The following CLEC12A variants were observed in gnomAD, a reference collection of about 807,000 sequenced individuals.
CLEC12A encodes the protein C-type lectin domain family 12 member A.
A neutral mutation model predicts 26.5 loss-of-function variants in CLEC12A; 22 were observed. The ratio of observed to expected loss-of-function variants is 0.83; its 90% CI spans 0.59 to 1.19. The LOEUF is 1.19. Among genes scored for constraint, CLEC12A ranks in the 50% most tolerant of loss-of-function variants. The pLI is 0.00. For missense variants in CLEC12A, 353 were observed against 315.6 expected, an observed-to-expected ratio of 1.12 and a Z score of -0.90; for synonymous variants, 119 against 101.9, an observed-to-expected ratio of 1.17 and a Z score of -1.01.
chr12:9,956,636 A>T (rs985335289), intron 1 of CLEC12A, among the ~76,000 whole-genome samples: 1 of 152,256 alleles, frequency 6.6e-6, no homozygotes, highest in African/African-American at 2.4e-5. Flanking sequence ...AAGCCAATTT[A>T]AAAAAGCCTA....
At chr12:9,991,798 G>GA (rs1864900753) in intron 4 of CLEC12A, 1 of 152,066 alleles carries the variant, frequency 6.6e-6, no homozygotes, top group African/African-American at 2.4e-5. Context: ...ATTAACTTAT[G>GA]AGCAAGGTAA....
chr12:9,969,042 A>G (rs1328669983), upstream of CLEC12A, among the ~76,000 whole-genome samples: 1 of 152,224 alleles, frequency 6.6e-6, no homozygotes. Flanking sequence ...GTGAGAGCTA[A>G]AAGAATGAAT....
intron 4 of CLEC12A, 26 bp downstream of exon 4, chr12:9,980,759 A>G: frequency 1.2e-6 from 2 of 1,611,062 alleles, no homozygotes; most frequent in Non-Finnish European, 8.5e-7. Context: ...TTCTACCATC[A>G]TGGGATAGAG....
chr12:9,975,929 G>T (rs1864317088), intron 1 of CLEC12A, among the ~76,000 whole-genome samples: 1 of 152,220 alleles, frequency 6.6e-6, no homozygotes, highest in South Asian at 2.1e-4. Context: ...TCAGGTCATG[G>T]CTTCGGAGAG....
intron 1 of CLEC12A, among the ~76,000 whole-genome samples, chr12:9,961,499 A>G (rs1023544689): frequency 3.5e-4 from 54 of 152,218 alleles, no homozygotes; most frequent in African/African-American, 1.2e-3. Flanking sequence ...AATCCTAGTC[A>G]TAGCATTGCA....
Position 9,980,684 on chromosome 12 carries a change from G to A in CLEC12A, c.482G>A (p.Cys161Tyr), listed in dbSNP as rs755873492. The A allele has an allele frequency of 6.2e-7, 1 of 1,613,712 alleles. No individual in the cohort carries two copies. The highest frequency in any genetic ancestry group is 8.5e-7 in the Non-Finnish European group (1 of 1,179,856). ...ACATGGCAGGAGAGTAAAATGGCCTGTGCTGCTCAGAATGCCAGCCTGTTG... is the reference window on the plus strand; with the variant it reads ...ACATGGCAGGAGAGTAAAATGGCCTATGCTGCTCAGAATGCCAGCCTGTTG... ...VQTWQESKMA[C>Y]AAQNASLLKI... is the part of the protein sequence containing the mutation. The change falls in exon 4 of 6, where the codon TGT becomes TAT. Residue 161 changes from cysteine to tyrosine, a missense_variant. Cys to Tyr is a radical substitution (Grantham distance 194). Transcript: ENST00000304361.
the CLEC12A span, among the ~76,000 whole-genome samples, chr12:10,004,246 T>G: frequency 6.6e-6 from 1 of 152,232 alleles, no homozygotes; most frequent in Non-Finnish European, 1.5e-5. Context: ...ACCAGCTCAG[T>G]GCCTCCCCGG....
the CLEC12A span, among the ~76,000 whole-genome samples, chr12:10,005,387 T>A: frequency 3.9e-5 from 6 of 152,220 alleles, no homozygotes; most frequent in African/African-American, 4.8e-5. Flanking sequence ...GATTGGTTTG[T>A]TTAAGCTTCA....
intron 1 of CLEC12A, among the ~76,000 whole-genome samples, chr12:9,954,704 G>A (rs551790633): frequency 2.0e-5 from 3 of 152,302 alleles, no homozygotes; most frequent in Admixed American, 2.0e-4. Flanking sequence ...TAGATGTTAC[G>A]TGTTGTTTTT....
chr12:9,995,449 A>T, exon 5 of CLEC12A: 1 of 523,500 alleles, frequency 1.9e-6, no homozygotes, highest in Non-Finnish European at 3.5e-6. Flanking sequence ...CACAGGTAAA[A>T]TTGTACACAA....
downstream of CLEC12A, among the ~76,000 whole-genome samples, chr12:9,996,361 G>A (rs185682158): frequency 1.1e-4 from 17 of 152,274 alleles, no homozygotes; most frequent in African/African-American, 3.6e-4. Flanking sequence ...CATCTGCCTA[G>A]ACTAATACAA....
chr12:9,999,251 C>T (rs569482094), downstream of CLEC12A: 10 of 523,922 alleles, frequency 1.9e-5, no homozygotes, highest in African/African-American at 1.9e-4. Context: ...TTTTCCTTTG[C>T]TTATTGTTTT....
At position 9,979,452 on chromosome 12, in the gene CLEC12A, A is replaced by C. The variant is rs377534959; in HGVS notation, c.307A>C (p.Ile103Leu). 27 of 1,613,376 alleles carry C rather than the reference A, an allele frequency of 1.7e-5. No homozygotes were observed. Among genetic ancestry groups the C allele is most frequent in the Non-Finnish European group, 2.3e-5 (27 of 1,179,682 alleles). ...GAGTAACATGAATATCTCCAACAAG[A>C]TCAGGAACCTCTCCACCACACTGCA... ...LMSNMNISNKIRNLSTTLQTI... is the reference protein window; with the variant it reads ...LMSNMNISNKLRNLSTTLQTI... Residue 103 changes from isoleucine to leucine, a missense_variant, in exon 3 of 6, where the codon ATC becomes CTC. By Grantham distance (5) the Ile-to-Leu change is conservative. Transcript: ENST00000304361.
chr12:9,981,252 G>C (rs1864544502), intron 4 of CLEC12A, among the ~76,000 whole-genome samples: 1 of 152,156 alleles, frequency 6.6e-6, no homozygotes. Context: ...CTGAGTCCTT[G>C]AATCCCAGGA....
chr12:9,966,374 A>T (rs1863951102), intron 1 of CLEC12A, among the ~76,000 whole-genome samples: 1 of 148,536 alleles, frequency 6.7e-6, no homozygotes, highest in South Asian at 2.2e-4. Flanking sequence ...TCAGTCAGAG[A>T]GCCTTGGGGC....
At chr12:9,963,767 A>C (rs1183212606) in intron 1 of CLEC12A, among the ~76,000 whole-genome samples, 1 of 152,202 alleles carries the variant, frequency 6.6e-6, no homozygotes, top group East Asian at 1.9e-4. Flanking sequence ...GGAGAAGCAA[A>C]GTAAAAAGAT....
At chr12:10,004,407 G>C in the CLEC12A span, among the ~76,000 whole-genome samples, 1 of 152,242 alleles carries the variant, frequency 6.6e-6, no homozygotes, top group African/African-American at 2.4e-5. Context: ...GGGATGAATG[G>C]GGAGCTGGAA....
chr12:9,971,264 T>C (rs1383074978), upstream of CLEC12A: 2 of 237,164 alleles, frequency 8.4e-6, no homozygotes, highest in Non-Finnish European at 1.4e-5. Flanking sequence ...ATGACACTGA[T>C]GATGTTATCC....
At chr12:9,962,542 G>A (rs539281095) in intron 1 of CLEC12A, among the ~76,000 whole-genome samples, 3 of 152,202 alleles carry the variant, frequency 2.0e-5, no homozygotes, top group East Asian at 1.9e-4. Flanking sequence ...GAGAGTCAGC[G>A]AAGGGAGATA....
Sources: allele counts gnomAD v4.1 joint callset (sites outside exome capture counted in the v4.1 genomes callset), GRCh38; gene constraint gnomAD v4.1.1; transcripts MANE v1.5; gene names NCBI Gene and HGNC (gene_info 2026-07-23, HGNC 2026-07-21).